Variants in EIF2AK4 observed in about 807,000 individuals in gnomAD.
The protein encoded by EIF2AK4 is eukaryotic translation initiation factor 2 alpha kinase 4.
Under a neutral mutation model 211.1 loss-of-function variants are expected in EIF2AK4, and 139 were observed. That is an observed-to-expected ratio of 0.66 (90% CI 0.57 to 0.76). EIF2AK4 has a LOEUF of 0.76. Among genes scored for constraint, EIF2AK4 ranks in the 30% least tolerant of loss-of-function variants. The pLI is 0.00. For synonymous variants in EIF2AK4, 710 were observed against 751.3 expected, an observed-to-expected ratio of 0.94 and a Z score of 0.90; for missense variants, 1,664 against 2,043.8, an observed-to-expected ratio of 0.81 and a Z score of 3.58.
chr15:39,968,445 C>T (rs1043836189), intron 9 of EIF2AK4, among the ~76,000 whole-genome samples: 1 of 152,182 alleles, frequency 6.6e-6, no homozygotes, highest in Non-Finnish European at 1.5e-5. Context: ...GAGATGTTTC[C>T]TCAGGCCTAA....
chr15:39,956,604 A>C (rs943990771), intron 6 of EIF2AK4, among the ~76,000 whole-genome samples: 6 of 152,196 alleles, frequency 3.9e-5, no homozygotes, highest in African/African-American at 1.4e-4. Flanking sequence ...CACTTAAAAG[A>C]TACTACTTGT....
intron 18 of EIF2AK4, among the ~76,000 whole-genome samples, chr15:39,993,832 G>A (rs567829319): frequency 1.6e-4 from 25 of 152,382 alleles, no homozygotes; most frequent in South Asian, 4.1e-4. Flanking sequence ...CTGGTAAGGC[G>A]GTTGGCAGCT....
intron 20 of EIF2AK4, among the ~76,000 whole-genome samples, chr15:39,999,030 T>G: frequency 6.6e-6 from 1 of 152,096 alleles, no homozygotes; most frequent in African/African-American, 2.4e-5. Flanking sequence ...GTTGTGCTTT[T>G]GAAGTGCTAT....
intron 1 of EIF2AK4, among the ~76,000 whole-genome samples, chr15:39,938,313 C>A (rs960910670): frequency 6.6e-6 from 1 of 152,180 alleles, no homozygotes; most frequent in Non-Finnish European, 1.5e-5. Flanking sequence ...GTGCTTAACC[C>A]TTCCCCAGAC....
intron 11 of EIF2AK4, 195 bp downstream of exon 11, chr15:39,973,944 C>T (rs1171284037): frequency 6.0e-6 from 3 of 497,140 alleles, no homozygotes; most frequent in Admixed American, 3.8e-5. Flanking sequence ...AGAATTGTCC[C>T]ACTCCTCTTT....
chr15:39,960,041 A>G (rs969937980), intron 6 of EIF2AK4, among the ~76,000 whole-genome samples: 64 of 152,000 alleles, frequency 4.2e-4, no homozygotes, highest in Non-Finnish European at 2.2e-4. Context: ...GCGGGGGCCT[A>G]TAGTCCCAGC....
chr15:40,022,358 C>A (rs2035402939), intron 31 of EIF2AK4, 161 bp from the exon 32 acceptor site: 3 of 596,284 alleles, frequency 5.0e-6, no homozygotes, highest in Non-Finnish European at 5.7e-6. Context: ...CCCTTGAATT[C>A]TATGCGGCTT....
chr15:40,016,705 T>C, intron 28 of EIF2AK4, 33 bp downstream of exon 28: 1 of 1,605,504 alleles, frequency 6.2e-7, no homozygotes. Context: ...GCAGTACAAA[T>C]GTGTAGCATT....
At position 40,034,421 on chromosome 15, in the gene EIF2AK4, T is replaced by G; in HGVS notation, c.4869T>G (p.Ile1623Met). The G allele has an allele frequency of 2.5e-6, 4 of 1,613,918 alleles. No homozygotes were observed. Among genetic ancestry groups the G allele is most frequent in the Non-Finnish European group, 3.4e-6 (4 of 1,179,858 alleles). Reference sequence around the variant, plus strand: ...ACCTCAAATTAGTCTGTGATGAAATTTATAACATCAAAGTAGAAAAAAAGT... The same window carrying G: ...ACCTCAAATTAGTCTGTGATGAAATGTATAACATCAAAGTAGAAAAAAAGT... ...QRYLKLVCDEIYNIKVEKKVS... is the reference protein window; with the variant it reads ...QRYLKLVCDEMYNIKVEKKVS... The change falls in exon 38 of 39, where the codon ATT becomes ATG. Residue 1623 changes from isoleucine to methionine, a missense_variant. Around this residue, in one of 7 missense-constraint regions of EIF2AK4, gnomAD observed 138 missense variants for 165.1 expected, o/e 0.84. Coordinates refer to ENST00000263791, the MANE Select transcript of EIF2AK4 (RefSeq NM_001013703.4).
chr15:39,992,178 G>A lies in EIF2AK4; in HGVS notation c.2635G>A (p.Asp879Asn). ...TTTGGCTTACTTATATTTTTAGGCTGACAGCAAACAAGACGATCAGACAGG... is the reference window on the plus strand; with the variant it reads ...TTTGGCTTACTTATATTTTTAGGCTAACAGCAAACAAGACGATCAGACAGG... The part of the protein sequence containing the change: ...LATDHLAFSA[D>N]SKQDDQTGDL... The change falls in exon 17 of 39, where the codon GAC (aspartate) becomes AAC (asparagine). Residue 879 changes from aspartate (D) to asparagine (N), a missense_variant. Asp to Asn is a conservative substitution (Grantham distance 23). This residue lies in a region of EIF2AK4 where 622 missense variants were observed against 796.8 expected (regional missense o/e 0.78). Transcript: ENST00000263791. The A allele has an allele frequency of 2.5e-6, 4 of 1,611,384 alleles. No homozygotes were observed. The highest frequency in any genetic ancestry group is 3.4e-6 in the Non-Finnish European group (4 of 1,178,646).
intron 6 of EIF2AK4, among the ~76,000 whole-genome samples, chr15:39,956,583 T>TCAC: frequency 6.6e-6 from 1 of 152,322 alleles, no homozygotes; most frequent in South Asian, 2.1e-4. Flanking sequence ...CTGTTCCCTG[T>TCAC]CACCACTGGT....
At chr15:39,978,881 A>G (rs568870283) in intron 13 of EIF2AK4, among the ~76,000 whole-genome samples, 13 of 152,328 alleles carry the variant, frequency 8.5e-5, no homozygotes, top group Non-Finnish European at 1.8e-4. Context: ...CACTACATAC[A>G]TCATGTGAAA....
chr15:40,032,079 C>T (rs146443275), intron 35 of EIF2AK4, 90 bp from the exon 36 acceptor site: 2 of 1,113,478 alleles, frequency 1.8e-6, no homozygotes, highest in East Asian at 4.7e-5. Flanking sequence ...TGGTATGTAA[C>T]CCTGTGATTG....
At chr15:39,945,156 T>A (rs932004332) in intron 3 of EIF2AK4, among the ~76,000 whole-genome samples, 4 of 151,976 alleles carry the variant, frequency 2.6e-5, no homozygotes, top group African/African-American at 9.7e-5. Context: ...TTTTTTTTTT[T>A]CTTTTTGAGA....
At chr15:40,006,897 A>G in intron 23 of EIF2AK4, 119 bp from the exon 24 acceptor site, 2 of 696,114 alleles carry the variant, frequency 2.9e-6, no homozygotes, top group Non-Finnish European at 2.4e-6. Flanking sequence ...ACTAAAAGCC[A>G]CTGAAGTACA....
chr15:40,012,504 A>G (rs1452948944), intron 27 of EIF2AK4, among the ~76,000 whole-genome samples: 2 of 152,366 alleles, frequency 1.3e-5, no homozygotes, highest in South Asian at 2.1e-4. Flanking sequence ...CAGTATTTAC[A>G]TATAATCTAA....
Position 40,009,743 on chromosome 15 carries a change from T to C in EIF2AK4, c.3693+13T>C. The C allele has an allele frequency of 6.8e-7, 1 of 1,468,122 alleles. No individual in the cohort carries two copies. The highest frequency in any genetic ancestry group is 9.4e-7 in the Non-Finnish European group (1 of 1,060,516). 90.9% of individuals were successfully genotyped at this position (1,468,122 alleles called of 1,614,324 possible). A position where few individuals can be genotyped will look rare whatever the true frequency, so the allele number is the denominator to read the frequency against. ...GTATGATGCTGTGGTAAGCATTTAA[T>C]TACTTATGATGTTGAAAGATAATAC... is the stretch of plus-strand genomic sequence containing the variant. On this transcript the variant is annotated intron_variant, in intron 26 of 38. Transcript: ENST00000263791.
chr15:40,001,215 C>T lies in EIF2AK4; in HGVS notation c.3150C>T (p.Asp1050=). The change falls in exon 21 of 39, where the codon GAC becomes GAT. Residue 1050 remains aspartate (D), a synonymous_variant. Coordinates refer to ENST00000263791, the MANE Select transcript of EIF2AK4 (RefSeq NM_001013703.4). Reference sequence around the variant, plus strand: ...CCATCGATTACACCTATGACAGCGACATACTGAAGGTGGGCTTAAGCCACG... The same window carrying T: ...CCATCGATTACACCTATGACAGCGATATACTGAAGGTGGGCTTAAGCCACG... The part of the protein sequence containing the change: ...SPAIDYTYDS[D]ILKGNFSIRT... 1 of 1,613,184 alleles carries T rather than the reference C, an allele frequency of 6.2e-7. No individual in the cohort carries two copies. Among genetic ancestry groups the T allele is most frequent in the Non-Finnish European group, 8.5e-7 (1 of 1,179,912 alleles).
rs1417975137 is a variant in EIF2AK4, at chr15:39,972,978, C to T, written c.1624C>T (p.Gln542Ter). 4 of 1,613,974 alleles carry T rather than the reference C, an allele frequency of 2.5e-6. No homozygotes were observed. Among genetic ancestry groups the T allele is most frequent in the African/African-American group, 1.3e-5 (1 of 74,988 alleles). ...GTTGAAACACAGCTTTATAAATCCC[C>T]AGCCAAAAATGCCTCTAGTGGAACA... The part of the protein sequence containing the change: ...QLLKHSFINP[Q>*]PKMPLVEQSP... Residue 542 changes from glutamine to a stop codon, truncating the protein, a stop_gained, in exon 10 of 39, where the codon CAG becomes TAG. Coordinates refer to ENST00000263791, the MANE Select transcript of EIF2AK4 (RefSeq NM_001013703.4). LOFTEE classifies it high-confidence loss of function.
Sources: allele counts gnomAD v4.1 joint callset (sites outside exome capture counted in the v4.1 genomes callset), GRCh38; gene constraint gnomAD v4.1.1; regional missense constraint gnomAD v4.1.1; transcripts MANE v1.5; gene names NCBI Gene and HGNC (gene_info 2026-07-23, HGNC 2026-07-21).